Variants in TPTE observed in about 807,000 individuals in gnomAD.
TPTE encodes putative tyrosine-protein phosphatase TPTE.
In TPTE, 59 loss-of-function variants were observed where a neutral mutation model predicts 84.1. That is an observed-to-expected ratio of 0.70 (90% CI 0.57 to 0.87). TPTE has a LOEUF of 0.87. TPTE is among the 40% of genes least tolerant of loss of function. TPTE has a pLI of 0.00. For missense variants in TPTE, 382 were observed against 659.6 expected (o/e 0.58, Z 4.61); for synonymous variants, 130 against 223.5 (o/e 0.58, Z 3.73).
At chr21:10,569,656 A>C (rs774588802) in intron 12 of TPTE, 27 bp from the exon 13 acceptor site, 6 of 1,613,928 alleles carry the variant, frequency 3.7e-6, no homozygotes, top group Non-Finnish European at 5.1e-6. Context: ...AGTGTTTCAC[A>C]AACTAATGAC....
At chr21:10,526,592 A>C (rs1327885424) in intron 2 of TPTE, among the ~76,000 whole-genome samples, 4 of 152,308 alleles carry the variant, frequency 2.6e-5, no homozygotes, top group Admixed American at 1.3e-4. Flanking sequence ...AACGTTTGAA[A>C]AGTTAGAAAA....
chr21:10,565,279 C>A (rs1364013424), intron 10 of TPTE, among the ~76,000 whole-genome samples: 1 of 152,300 alleles, frequency 6.6e-6, no homozygotes, highest in African/African-American at 2.4e-5. Context: ...AGATTAAATA[C>A]CTAGAAATTA....
chr21:10,569,286 T>A, intron 11 of TPTE, 151 bp from the exon 12 acceptor site: 1 of 1,107,482 alleles, frequency 9.0e-7, no homozygotes, highest in Non-Finnish European at 1.3e-6. Context: ...AAAACCTAAA[T>A]GCCTCCAGAC....
chr21:10,562,107 G>T (rs572359696), intron 10 of TPTE, among the ~76,000 whole-genome samples: 45 of 152,398 alleles, frequency 3.0e-4, no homozygotes, highest in African/African-American at 9.9e-4. Context: ...GTAATGCAGA[G>T]AATTATCCTG....
At chr21:10,584,205 T>C (rs2075320384) in intron 17 of TPTE, among the ~76,000 whole-genome samples, 1 of 152,310 alleles carries the variant, frequency 6.6e-6, no homozygotes, top group African/African-American at 2.4e-5. Context: ...TGGTGAGATT[T>C]ATTCTTAGAT....
At chr21:10,563,932 G>T (rs1213577487) in intron 10 of TPTE, among the ~76,000 whole-genome samples, 4 of 152,312 alleles carry the variant, frequency 2.6e-5, no homozygotes, top group African/African-American at 9.6e-5. Context: ...AAGGCAGGCA[G>T]ATCATGAGGT....
At chr21:10,538,829 TC>T (rs1224842555) in intron 4 of TPTE, 95 bp downstream of exon 4, 91 of 1,612,522 alleles carry the variant, frequency 5.6e-5, no homozygotes, top group Middle Eastern at 3.3e-4. Context: ...TATCCATCCA[TC>T]CATCCATGCA....
chr21:10,553,601 G>A (rs2074622226), intron 8 of TPTE, among the ~76,000 whole-genome samples: 1 of 152,312 alleles, frequency 6.6e-6, no homozygotes, highest in Non-Finnish European at 1.5e-5. Context: ...ACAAAATAAA[G>A]CAGGTTTTCA....
intron 10 of TPTE, among the ~76,000 whole-genome samples, chr21:10,566,485 T>C (rs2074923974): frequency 6.6e-6 from 1 of 152,312 alleles, no homozygotes; most frequent in African/African-American, 2.4e-5. Context: ...TACCATATGA[T>C]CCAGCAATCC....
rs1269939883 is a variant in TPTE at position 10,545,616 on chromosome 21, C to A, written c.173+2234C>A. On this transcript the variant is annotated intron_variant, in intron 7 of 23. Transcript: ENST00000618007. ...AACTACTGACATTATTAATTTGGGT[C>A]AGTGCTAAAGGATCTATCTACACAC... 1.2e-4 allele frequency among the ~76,000 whole-genome samples: 18 copies of A among 152,342 alleles called. No individual in the cohort carries two copies. In the East Asian group the frequency reaches 3.5e-3, roughly 29 times the overall value.
intron 13 of TPTE, 56 bp from the exon 14 acceptor site, chr21:10,570,429 G>GT: frequency 6.2e-7 from 1 of 1,610,458 alleles, no homozygotes. Context: ...TAATTTTTTT[G>GT]TATGTTGTAT....
rs1307629156 is a variant in TPTE at position 10,543,279 on chromosome 21, G to T, written c.120-50G>T. 8 of 1,458,698 alleles carry T rather than the reference G, an allele frequency of 5.5e-6. 1 individual carries two copies. The highest frequency in any genetic ancestry group is 1.2e-5 in the South Asian group (1 of 85,146). The allele number at this position is 1,458,698 out of a possible 1,614,324, so 90.4% of individuals were successfully genotyped here. A position where few individuals can be genotyped will look rare whatever the true frequency, so the allele number is the denominator to read the frequency against. On this transcript the variant is annotated intron_variant, in intron 6 of 23. Transcript: ENST00000618007. Reference sequence around the variant, plus strand: ...AATCTCCTGACCTCATGATCCACCCGCCTCGGCCTCCCAAAGTGCTGCTGA... The same window carrying T: ...AATCTCCTGACCTCATGATCCACCCTCCTCGGCCTCCCAAAGTGCTGCTGA...
In TPTE at chr21:10,575,353, T is replaced by A. The variant is rs532230422; in HGVS notation, c.796-2107T>A. Among the ~76,000 whole-genome samples the A allele has an allele frequency of 7.2e-5, 11 of 152,412 alleles. No homozygotes were observed. The South Asian group carries it at 2.3e-3, about 32-fold the overall frequency. ...CCAGCAGCGGTTCTATGGACAGAGC[T>A]TTGATCTCTCCCTGAAATGGAGCTC... On this transcript the variant is annotated intron_variant, in intron 14 of 23. Coordinates refer to ENST00000618007, the MANE Select transcript of TPTE (RefSeq NM_199261.4).
rs201022666 is a variant in TPTE, at chr21:10,580,689, T to A, written c.1027+2084T>A. 7.4e-4 allele frequency among the ~76,000 whole-genome samples: 113 copies of A among 151,936 alleles called. No individual in the cohort carries two copies. In the East Asian group the frequency reaches 8.1e-3, roughly 11 times the overall value. On this transcript the variant is annotated intron_variant, in intron 17 of 23. Transcript: ENST00000618007. ...CATGGATTTTTTCTGGGCTTTGTATTCTGTTCCATTGGTCTATATGTCTGT... is the reference window on the plus strand; with the variant it reads ...CATGGATTTTTTCTGGGCTTTGTATACTGTTCCATTGGTCTATATGTCTGT...
At chr21:10,605,063 C>T (rs1329410367) in intron 23 of TPTE, among the ~76,000 whole-genome samples, 1 of 152,310 alleles carries the variant, frequency 6.6e-6, no homozygotes, top group Non-Finnish European at 1.5e-5. Flanking sequence ...CAACCTCACA[C>T]ATAAATTAAA....
chr21:10,570,221 C>A (rs1163994139), intron 13 of TPTE, among the ~76,000 whole-genome samples: 1 of 152,310 alleles, frequency 6.6e-6, no homozygotes. Flanking sequence ...ACAGGGGGAA[C>A]TTCAGACTGA....
At chr21:10,562,410 AAATAAGACACCAGGGGCC>A (rs2074826672) in intron 10 of TPTE, among the ~76,000 whole-genome samples, 1 of 152,306 alleles carries the variant, frequency 6.6e-6, no homozygotes, top group South Asian at 2.1e-4. Flanking sequence ...CAAATGAACT[AAATAAGACACCAGGGGCC>A]AATCCTGTAG....
chr21:10,528,668 ACTT>A lies in TPTE; in HGVS notation c.-44+1260_-44+1262del, dbSNP rs772561471. 3.1e-4 allele frequency among the ~76,000 whole-genome samples: 47 copies of A among 152,392 alleles called. No homozygotes were observed. The East Asian group carries it at 5.2e-3, about 17-fold the overall frequency. On this transcript the variant is annotated intron_variant, in intron 3 of 23. Coordinates refer to ENST00000618007, the MANE Select transcript of TPTE (RefSeq NM_199261.4). ...CTGTTTGTGTTATACTCAGAAAGTT[ACTT>A]CTTATCGTAAGATTACCAATATAGT...
intron 3 of TPTE, among the ~76,000 whole-genome samples, chr21:10,531,708 A>C (rs1600855874): frequency 6.6e-6 from 1 of 152,312 alleles, no homozygotes; most frequent in African/African-American, 2.4e-5. Context: ...CTCTTCATGA[A>C]ATAACTTTTT....
Sources: allele counts gnomAD v4.1 joint callset (sites outside exome capture counted in the v4.1 genomes callset), GRCh38; gene constraint gnomAD v4.1.1; transcripts MANE v1.5; gene names NCBI Gene and HGNC (gene_info 2026-07-23, HGNC 2026-07-21).